SASH1: variants seen among roughly 807,000 people sequenced by gnomAD.
SASH1 encodes SAM and SH3 domain-containing protein 1.
A neutral mutation model predicts 125.2 loss-of-function variants in SASH1; 44 were observed. The ratio of observed to expected loss-of-function variants is 0.35; its 90% CI spans 0.28 to 0.45. The LOEUF (loss-of-function observed/expected upper bound fraction) is 0.45. SASH1 is among the 20% of genes least tolerant of loss of function. The pLI, the probability that SASH1 is intolerant of heterozygous loss-of-function variation, is 1.00. For synonymous variants in SASH1, 639 were observed against 649.1 expected (o/e 0.98, Z 0.24); for missense variants, 1,426 against 1,614.5 (o/e 0.88, Z 2.00).
chr6:148,544,560 C>T lies in SASH1; in HGVS notation c.3090C>T (p.Thr1030=). Residue 1030 remains threonine, a synonymous_variant, in exon 18 of 20, where the codon ACC becomes ACT. Coordinates refer to ENST00000367467, the MANE Select transcript of SASH1 (RefSeq NM_015278.5). This position sits in a 1 kb window ranked among gnomAD's most constrained non-coding sequence, Gnocchi z 6.4. ...PVKRGSPASP[T]SPSDCPPALA... ...AAAGGGGCAGCCCCGCCAGCCCCAC[C>T]AGCCCTAGCGACTGTCCCCCAGCAC... The T allele has an allele frequency of 6.2e-7, 1 of 1,613,292 alleles. No individual in the cohort carries two copies. The highest frequency in any genetic ancestry group is 8.5e-7 in the Non-Finnish European group (1 of 1,179,970).
chr6:148,341,318 T>G (rs535592254), upstream of SASH1, among the ~76,000 whole-genome samples: 27 of 130,984 alleles, frequency 2.1e-4, no homozygotes, highest in African/African-American at 7.8e-4. Flanking sequence ...CTATGTTTTG[T>G]TTTTTTTTTT....
rs1779265229 is a variant in SASH1 at position 148,495,265 on chromosome 6, G to A, written c.729+7550G>A. Among the ~76,000 whole-genome samples, 1 of 152,098 alleles carries A rather than the reference G, an allele frequency of 6.6e-6. No individual in the cohort carries two copies. Among genetic ancestry groups the A allele is most frequent in the Non-Finnish European group, 1.5e-5 (1 of 68,032 alleles). On this transcript the variant is annotated intron_variant, in intron 8 of 19. Coordinates refer to ENST00000367467, the MANE Select transcript of SASH1 (RefSeq NM_015278.5). This position sits in a 1 kb window ranked among gnomAD's most constrained non-coding sequence, Gnocchi z 4.0. ...GTGTAATCCCTTTTTATAGAATATG[G>A]CGGAAGAACAGTGCACACACTCATA...
chr6:148,286,905 A>T (rs1779496453), intron 1 of SASH1, among the ~76,000 whole-genome samples: 1 of 152,108 alleles, frequency 6.6e-6, no homozygotes, highest in African/African-American at 2.4e-5. Flanking sequence ...ATGCACTCAC[A>T]TGAATGTTTA....
chr6:148,265,494 C>T, the SASH1 span, among the ~76,000 whole-genome samples: 5 of 152,332 alleles, frequency 3.3e-5, no homozygotes, highest in South Asian at 2.1e-4. Flanking sequence ...GTGGACCTCA[C>T]CAAGGTGCTC....
chr6:148,199,297 C>T, the SASH1 span, among the ~76,000 whole-genome samples: 1 of 151,600 alleles, frequency 6.6e-6, no homozygotes, highest in Non-Finnish European at 1.5e-5. Context: ...CACTTGAACC[C>T]GAGAGGCAGA....
intron 2 of SASH1, among the ~76,000 whole-genome samples, chr6:148,432,539 A>C (rs1023778367): frequency 6.6e-6 from 1 of 152,214 alleles, no homozygotes; most frequent in Non-Finnish European, 1.5e-5. Context: ...TTTTAGCTGC[A>C]TGTGGCTAAG....
chr6:148,265,605 C>A, the SASH1 span, among the ~76,000 whole-genome samples: 1 of 152,090 alleles, frequency 6.6e-6, no homozygotes, highest in East Asian at 1.9e-4. Context: ...TTTTGCAAAC[C>A]TTAGAAAAGT....
chr6:148,542,386 ATT>A lies in SASH1; in HGVS notation c.2210-1290_2210-1289del, dbSNP rs531264223. On this transcript the variant is annotated intron_variant, in intron 17 of 19. Transcript: ENST00000367467. ...GGTATTTCTTCATTTATCTGTGATG[ATT>A]TTTCTTTTCTTTTTATGAGGCGGAG... Among the ~76,000 whole-genome samples, 179 of 150,526 alleles carry A rather than the reference ATT, an allele frequency of 1.2e-3. 1 individual carries two copies. The highest frequency in any genetic ancestry group is 4.0e-3 in the African/African-American group (164 of 40,960).
the SASH1 span, among the ~76,000 whole-genome samples, chr6:148,224,062 G>A: frequency 3.4e-3 from 523 of 152,330 alleles, 3 homozygotes; most frequent in Non-Finnish European, 3.7e-3. Context: ...GGGAGGCCAA[G>A]GCAGGAGGAT....
intron 8 of SASH1, among the ~76,000 whole-genome samples, chr6:148,508,047 C>T (rs1272428819): frequency 6.6e-6 from 1 of 152,196 alleles, no homozygotes; most frequent in Non-Finnish European, 1.5e-5. Context: ...CATCTTGTGA[C>T]ACGGTCCTCA....
chr6:148,282,671 C>T (rs572131115), intron 1 of SASH1, among the ~76,000 whole-genome samples: 2 of 152,218 alleles, frequency 1.3e-5, no homozygotes, highest in Admixed American at 6.5e-5. Context: ...TGAGCCACCA[C>T]GCCCAGCCTC....
intron 1 of SASH1, among the ~76,000 whole-genome samples, chr6:148,280,705 G>A (rs1162251798): frequency 6.6e-6 from 1 of 152,116 alleles, no homozygotes; most frequent in Non-Finnish European, 1.5e-5. Flanking sequence ...CTACTCGGGA[G>A]GCTGCAGCAG....
intron 1 of SASH1, among the ~76,000 whole-genome samples, chr6:148,355,251 G>A (rs376505520): frequency 3.9e-5 from 6 of 152,290 alleles, no homozygotes; most frequent in African/African-American, 1.4e-4. Context: ...TTCTCAGAAT[G>A]TATGGCATTA....
intron 2 of SASH1, among the ~76,000 whole-genome samples, chr6:148,397,152 A>G (rs1222751750): frequency 6.6e-6 from 1 of 152,066 alleles, no homozygotes; most frequent in Non-Finnish European, 1.5e-5. Context: ...TCATCCTCAC[A>G]TCCCACTCAC....
intron 1 of SASH1, among the ~76,000 whole-genome samples, chr6:148,327,116 T>C (rs1411315925): frequency 6.6e-6 from 1 of 152,070 alleles, no homozygotes; most frequent in African/African-American, 2.4e-5. Context: ...CTTTATGGGG[T>C]ATGTATGCCT....
intron 8 of SASH1, among the ~76,000 whole-genome samples, chr6:148,511,276 T>C (rs972310096): frequency 3.3e-5 from 5 of 151,106 alleles, no homozygotes; most frequent in Non-Finnish European, 5.9e-5. Flanking sequence ...TGGGATAGGT[T>C]GTTGAACTCA....
chr6:148,502,319 C>G (rs1779590182), intron 8 of SASH1, among the ~76,000 whole-genome samples: 1 of 151,936 alleles, frequency 6.6e-6, no homozygotes, highest in African/African-American at 2.4e-5. Flanking sequence ...TCTTACTAAA[C>G]AGATGAGTCC....
rs141834823 is a variant in SASH1, at chr6:148,367,482, C to T, written c.157-22652C>T. ...AGGTCTGCAGGGAAACAGAACAAAA[C>T]ACATTGCTCTTGTTTACGTCCTCGG... On this transcript the variant is annotated intron_variant, in intron 1 of 19. Coordinates refer to ENST00000367467, the MANE Select transcript of SASH1 (RefSeq NM_015278.5). Among the ~76,000 whole-genome samples the T allele has an allele frequency of 4.8e-4, 73 of 152,322 alleles. No homozygotes were observed. The East Asian group carries it at 6.6e-3, about 14-fold the overall frequency.
chr6:148,399,898 A>G (rs1026892832), intron 2 of SASH1, among the ~76,000 whole-genome samples: 2 of 152,210 alleles, frequency 1.3e-5, no homozygotes, highest in African/African-American at 4.8e-5. Context: ...TGGAGCCTGG[A>G]ATATTAAAAC....
Sources: gnomAD v4.1 joint callset for allele counts (sites outside exome capture counted in the v4.1 genomes callset) on GRCh38, gnomAD v4.1.1 for gene constraint, Gnocchi (gnomAD v3.1) non-coding constraint, MANE v1.5 for transcripts, NCBI Gene and HGNC (gene_info 2026-07-23, HGNC 2026-07-21) for gene names.